The following RORB variants were observed in gnomAD, a reference collection of about 807,000 sequenced individuals.
RORB encodes RAR related orphan receptor B.
RORB carries 6 observed loss-of-function variants against 59.1 expected under a neutral mutation model. The observed-to-expected ratio is 0.10, with a 90% CI of 0.06 to 0.20. The LOEUF (loss-of-function observed/expected upper bound fraction) is 0.20. Ranked by LOEUF, RORB falls within the 10% of genes least tolerant of loss-of-function variation. The pLI, the probability that RORB is intolerant of heterozygous loss-of-function variation, is 1.00. For missense variants in RORB, 320 were observed against 560.5 expected, an observed-to-expected ratio of 0.57 and a Z score of 4.33; for synonymous variants, 215 against 204.5, an observed-to-expected ratio of 1.05 and a Z score of -0.44.
At position 74,497,858 on chromosome 9, in the gene RORB, G is replaced by A. The variant is rs560757298; in HGVS notation, c.-119G>A. The A allele has an allele frequency of 1.7e-4, 221 of 1,279,074 alleles. No individual in the cohort carries two copies. Among genetic ancestry groups the A allele is most frequent in the Admixed American group, 2.2e-4 (11 of 49,398 alleles). 79.2% of individuals were successfully genotyped at this position (1,279,074 alleles called of 1,614,324 possible). A position where few individuals can be genotyped will look rare whatever the true frequency, so the allele number is the denominator to read the frequency against. On this transcript the variant is annotated 5_prime_UTR_variant, in exon 1 of 10. Coordinates refer to ENST00000376896, the MANE Select transcript of RORB (RefSeq NM_006914.4). Reference sequence around the variant, plus strand: ...GTCCGCCTAAAGGGATGGTTTTCTCGGCAGAGCAGCTCTTCGCCGACCACC... The same window carrying A: ...GTCCGCCTAAAGGGATGGTTTTCTCAGCAGAGCAGCTCTTCGCCGACCACC...
At chr9:74,593,039 A>C (rs1462515614) in intron 1 of RORB, among the ~76,000 whole-genome samples, 1 of 152,192 alleles carries the variant, frequency 6.6e-6, no homozygotes, top group Non-Finnish European at 1.5e-5. Context: ...CTTCAGGTAC[A>C]GCCCTTTGTC....
intron 1 of RORB, among the ~76,000 whole-genome samples, chr9:74,570,373 T>C (rs909625454): frequency 3.9e-5 from 6 of 152,104 alleles, no homozygotes; most frequent in Non-Finnish European, 8.8e-5. Flanking sequence ...CTCCAGCATA[T>C]TTGCATAATT....
intron 1 of RORB, among the ~76,000 whole-genome samples, chr9:74,617,316 A>G (rs769906839): frequency 6.6e-6 from 1 of 152,220 alleles, no homozygotes; most frequent in African/African-American, 2.4e-5. Context: ...TAAAAAAGCA[A>G]TTTGAAAGAT....
intron 1 of RORB, among the ~76,000 whole-genome samples, chr9:74,551,675 A>T (rs1021814285): frequency 4.6e-5 from 7 of 152,242 alleles, no homozygotes; most frequent in African/African-American, 1.7e-4. Flanking sequence ...ATACAATATA[A>T]TTAGAGACTT....
intron 1 of RORB, among the ~76,000 whole-genome samples, chr9:74,611,202 C>T (rs968395755): frequency 6.6e-6 from 1 of 152,080 alleles, no homozygotes; most frequent in East Asian, 1.9e-4. Context: ...AATCAACTCC[C>T]CCTTGCCTCT....
chr9:74,589,905 T>C (rs1412268689), intron 1 of RORB, among the ~76,000 whole-genome samples: 13 of 152,216 alleles, frequency 8.5e-5, no homozygotes, highest in Admixed American at 8.5e-4. Flanking sequence ...TTTATTATAG[T>C]TAGTGGCTTT....
At position 74,630,355 on chromosome 9, in the gene RORB, T is replaced by C. The variant is rs1471102306; in HGVS notation, c.81T>C (p.Cys27=). Residue 27 remains cysteine (C), a synonymous_variant, in exon 2 of 10, where the codon TGT becomes TGC. Transcript: ENST00000376896. ...SSGIHYGVIT[C]EGCKGFFRRS... ...GGATCCACTACGGAGTCATCACATG[T>C]GAAGGCTGCAAGGTATGGGACTTTC... The C allele has an allele frequency of 3.7e-6, 6 of 1,612,582 alleles. No individual in the cohort carries two copies. The Admixed American group carries it at 1.0e-4, about 27-fold the overall frequency.
intron 1 of RORB, among the ~76,000 whole-genome samples, chr9:74,602,132 C>T (rs912687009): frequency 6.6e-6 from 1 of 152,108 alleles, no homozygotes; most frequent in Non-Finnish European, 1.5e-5. Context: ...TTAGAGGAAA[C>T]ATCACAAACC....
chr9:74,547,107 G>T (rs1404357188), intron 1 of RORB, among the ~76,000 whole-genome samples: 2 of 152,080 alleles, frequency 1.3e-5, no homozygotes, highest in African/African-American at 2.4e-5. Context: ...AAAATAAATT[G>T]TTGGATTGTT....
chr9:74,532,817 CAT>C lies in RORB; in HGVS notation c.7+34841_7+34842del, dbSNP rs201639818. On this transcript the variant is annotated intron_variant, in intron 1 of 9. Coordinates refer to ENST00000376896, the MANE Select transcript of RORB (RefSeq NM_006914.4). ...ATACATAGATACGTATATATATACACATATATATGTGTATATATATACACATA... is the reference window on the plus strand; with the variant it reads ...ATACATAGATACGTATATATATACACATATATGTGTATATATATACACATA... 4.8e-3 allele frequency among the ~76,000 whole-genome samples: 683 copies of C among 141,774 alleles called. 10 individuals carry two copies. The highest frequency in any genetic ancestry group is 0.016 in the African/African-American group (623 of 38,738). The allele number at this position is 141,774 out of a possible 152,430, so 93.0% of individuals were successfully genotyped here. A position where few individuals can be genotyped will look rare whatever the true frequency, so the allele number is the denominator to read the frequency against.
At chr9:74,625,849 C>G (rs1823503173) in intron 1 of RORB, among the ~76,000 whole-genome samples, 1 of 152,070 alleles carries the variant, frequency 6.6e-6, no homozygotes, top group African/African-American at 2.4e-5. Flanking sequence ...GAATTGAGAG[C>G]CATAAGAACA....
intron 1 of RORB, among the ~76,000 whole-genome samples, chr9:74,617,743 G>A (rs1044140165): frequency 3.3e-5 from 5 of 152,262 alleles, no homozygotes; most frequent in Admixed American, 2.0e-4. Flanking sequence ...CTAGAGTGAC[G>A]TTCTAAATTA....
chr9:74,501,030 G>A (rs112062711), intron 1 of RORB, among the ~76,000 whole-genome samples: 44 of 152,296 alleles, frequency 2.9e-4, no homozygotes, highest in African/African-American at 9.6e-4. Context: ...TGAGAAAGAA[G>A]TGAGCCGAGG....
intron 1 of RORB, among the ~76,000 whole-genome samples, chr9:74,622,558 G>A (rs184166739): frequency 2.9e-3 from 330 of 115,282 alleles, no homozygotes; most frequent in African/African-American, 9.8e-3. Context: ...ACAGAGTCTC[G>A]GTCTGTCGCC....
intron 1 of RORB, among the ~76,000 whole-genome samples, chr9:74,628,988 C>A (rs911655553): frequency 6.6e-6 from 1 of 152,100 alleles, no homozygotes; most frequent in Non-Finnish European, 1.5e-5. Flanking sequence ...CATATTCCAC[C>A]AAAGTAACTG....
At chr9:74,623,614 G>A (rs957020141) in intron 1 of RORB, among the ~76,000 whole-genome samples, 3 of 152,140 alleles carry the variant, frequency 2.0e-5, no homozygotes, top group African/African-American at 7.2e-5. Flanking sequence ...TCACAGAACA[G>A]TGCTTCTCAA....
At chr9:74,647,183 G>A (rs568653828) in intron 4 of RORB, among the ~76,000 whole-genome samples, 5 of 152,312 alleles carry the variant, frequency 3.3e-5, no homozygotes, top group South Asian at 2.1e-4. Flanking sequence ...CATCTTTAGG[G>A]ATAACATTTT....
intron 1 of RORB, chr9:74,630,080 C>A: frequency 4.1e-6 from 1 of 241,556 alleles, no homozygotes; most frequent in Non-Finnish European, 6.7e-6. Context: ...ACGAAGCAAA[C>A]TGTGGCAGAG....
chr9:74,649,712 A>G (rs540556685), intron 4 of RORB, among the ~76,000 whole-genome samples: 52 of 152,332 alleles, frequency 3.4e-4, no homozygotes, highest in African/African-American at 1.2e-3. Context: ...AAACAAATAT[A>G]TGATTTACAT....
Sources: gnomAD v4.1 joint callset for allele counts (sites outside exome capture counted in the v4.1 genomes callset) on GRCh38, gnomAD v4.1.1 for gene constraint, MANE v1.5 for transcripts, NCBI Gene and HGNC (gene_info 2026-07-23, HGNC 2026-07-21) for gene names.